The following STK3 variants were observed in gnomAD, a reference collection of about 807,000 sequenced individuals.
STK3 encodes serine/threonine kinase 3.
Under a neutral mutation model 58.0 loss-of-function variants are expected in STK3, and 41 were observed. The observed-to-expected ratio is 0.71, with a 90% confidence interval of 0.55 to 0.92. The LOEUF is 0.92. Among genes scored for constraint, STK3 ranks in the 40% least tolerant of loss-of-function variants. The pLI is 0.00. For synonymous variants in STK3, 170 were observed against 191.0 expected (o/e 0.89, Z 0.91); for missense variants, 479 against 602.7 (o/e 0.79, Z 2.15).
chr8:98,907,055 G>A (rs1367097391), intron 1 of STK3, among the ~76,000 whole-genome samples: 1 of 151,822 alleles, frequency 6.6e-6, no homozygotes, highest in South Asian at 2.1e-4. Flanking sequence ...CTACTCCAGA[G>A]GCTGAGGTGA....
intron 1 of STK3, among the ~76,000 whole-genome samples, chr8:98,804,068 C>G (rs1833757238): frequency 6.6e-6 from 1 of 151,958 alleles, no homozygotes; most frequent in African/African-American, 2.4e-5. Flanking sequence ...GTGGTGCAAT[C>G]TTGGCTCTCT....
At chr8:98,749,430 C>A in intron 3 of STK3, 40 bp from the exon 4 acceptor site, 2 of 1,231,856 alleles carry the variant, frequency 1.6e-6, no homozygotes, top group Admixed American at 2.2e-5. Flanking sequence ...TAGTTAATTC[C>A]CAAAGAAATT....
At position 98,835,466 on chromosome 8, in the gene STK3, C is replaced by A. The variant is rs1013566911; in HGVS notation, c.110+48181G>T. Among the ~76,000 whole-genome samples the A allele has an allele frequency of 2.6e-5, 4 of 152,174 alleles. 1 individual carries two copies. The highest frequency in any genetic ancestry group is 6.5e-5 in the Admixed American group (1 of 15,282). ...TTTCTGGGTCCTACTAAATGGGCAA[C>A]TTCAACATTGTCCAGCCAGGTCCTG... On this transcript the variant is annotated intron_variant, in intron 3 of 12. Transcript: ENST00000523601.
At chr8:98,462,861 A>C (rs1820110546) in intron 10 of STK3, 1 of 152,198 alleles carries the variant, frequency 6.6e-6, no homozygotes, top group African/African-American at 2.4e-5. Context: ...TGGAGAGCTA[A>C]TGTGATCTTT....
At chr8:98,720,194 G>T (rs1342535882) in intron 4 of STK3, among the ~76,000 whole-genome samples, 2 of 152,010 alleles carry the variant, frequency 1.3e-5, no homozygotes, top group Non-Finnish European at 2.9e-5. Context: ...GAACGTAAAG[G>T]CATACTGTTG....
At position 98,825,622 on chromosome 8, in the gene STK3, C is replaced by G; in HGVS notation, c.-82G>C. On this transcript the variant is annotated 5_prime_UTR_variant, in exon 1 of 11. Transcript: ENST00000419617. ...GGAGCCGGGGCACCGGCCGGCCGAG[C>G]CTAGGGCACCACAGAGGGAAACTCT... 8.2e-6 allele frequency: 11 copies of G among 1,337,242 alleles called. No homozygotes were observed. The South Asian group carries it at 1.9e-4, about 23-fold the overall frequency. 82.8% of individuals were successfully genotyped at this position (1,337,242 alleles called of 1,614,324 possible).
At chr8:98,562,539 G>A (rs1486350031) in intron 8 of STK3, among the ~76,000 whole-genome samples, 1 of 151,798 alleles carries the variant, frequency 6.6e-6, no homozygotes, top group Non-Finnish European at 1.5e-5. Context: ...AAGCACAATG[G>A]ATTTTTTTTA....
chr8:98,348,065 G>A, the STK3 span, among the ~76,000 whole-genome samples: 2 of 152,144 alleles, frequency 1.3e-5, no homozygotes, highest in Non-Finnish European at 2.9e-5. Flanking sequence ...TCGACAAATA[G>A]AACAATGGAA....
intron 2 of STK3, among the ~76,000 whole-genome samples, chr8:98,435,765 A>C (rs1193702187): frequency 6.6e-6 from 1 of 152,100 alleles, no homozygotes; most frequent in East Asian, 1.9e-4. Context: ...CCTGGGATAC[A>C]CAGAGCGGGT....
intron 10 of STK3, among the ~76,000 whole-genome samples, chr8:98,491,020 T>C (rs1169128638): frequency 6.6e-6 from 1 of 152,192 alleles, no homozygotes; most frequent in Non-Finnish European, 1.5e-5. Flanking sequence ...TCTGTATATT[T>C]TTCACATACA....
intron 3 of STK3, chr8:98,413,331 T>C (rs1818076900): frequency 4.1e-6 from 2 of 490,462 alleles, no homozygotes; most frequent in Non-Finnish European, 4.0e-6. Flanking sequence ...TGTTTTTGAT[T>C]GCCATTGCTG....
At chr8:98,563,512 G>T (rs1812230034) in intron 8 of STK3, among the ~76,000 whole-genome samples, 1 of 152,114 alleles carries the variant, frequency 6.6e-6, no homozygotes. Flanking sequence ...AGAGGGCACA[G>T]AAGCAACAAC....
chr8:98,541,672 T>A (rs751521707), intron 9 of STK3, among the ~76,000 whole-genome samples: 1 of 152,146 alleles, frequency 6.6e-6, no homozygotes, highest in Non-Finnish European at 1.5e-5. Context: ...ACTGTTGCAC[T>A]CTCATAACAG....
intron 3 of STK3, among the ~76,000 whole-genome samples, chr8:98,874,401 G>C (rs1837490006): frequency 6.6e-6 from 1 of 152,020 alleles, no homozygotes; most frequent in Admixed American, 6.6e-5. Context: ...ACTCCTTTAT[G>C]TCAGACTTCT....
intron 7 of STK3, among the ~76,000 whole-genome samples, chr8:98,584,306 A>T (rs200464213): frequency 2.1e-5 from 3 of 140,014 alleles, no homozygotes; most frequent in African/African-American, 5.4e-5. Context: ...TGTCCATGTG[A>T]TCTCATTGTT....
chr8:98,405,815 C>T (rs560938350), intron 3 of STK3, among the ~76,000 whole-genome samples: 1 of 152,194 alleles, frequency 6.6e-6, no homozygotes, highest in Admixed American at 6.5e-5. Context: ...ACAGAGACAG[C>T]TTGTGCAGGG....
intron 6 of STK3, among the ~76,000 whole-genome samples, chr8:98,696,505 G>C (rs947365152): frequency 4.6e-5 from 7 of 151,922 alleles, no homozygotes; most frequent in Admixed American, 2.6e-4. Context: ...GTCATAGATA[G>C]CTCTTATTAT....
At chr8:98,807,405 C>A (rs1250514230) in intron 1 of STK3, among the ~76,000 whole-genome samples, 2 of 151,966 alleles carry the variant, frequency 1.3e-5, no homozygotes, top group Non-Finnish European at 2.9e-5. Context: ...TACAGAAGCA[C>A]ACTACCATGC....
At position 98,722,314 on chromosome 8, in the gene STK3, G is replaced by A. The variant is rs550246379; in HGVS notation, c.352-15003C>T. ...ACGGAGACAAATCTTAGCAAATTTG[G>A]AAGATAAATGTTTACTTGGTCTCTT... On this transcript the variant is annotated intron_variant, in intron 4 of 10. Coordinates refer to ENST00000419617, the MANE Select transcript of STK3 (RefSeq NM_006281.4). 1.7e-3 allele frequency among the ~76,000 whole-genome samples: 260 copies of A among 152,248 alleles called. 1 individual carries two copies. Among genetic ancestry groups the A allele is most frequent in the Middle Eastern group, 6.8e-3 (2 of 294 alleles).
Sources: gnomAD v4.1 joint callset for allele counts (sites outside exome capture counted in the v4.1 genomes callset) on GRCh38, gnomAD v4.1.1 for gene constraint, MANE v1.5 for transcripts, NCBI Gene and HGNC (gene_info 2026-07-23, HGNC 2026-07-21) for gene names.